The following SGCZ variants were observed in gnomAD, a reference collection of about 807,000 sequenced individuals.
SGCZ encodes sarcoglycan zeta.
Under a neutral mutation model 41.3 loss-of-function variants are expected in SGCZ, and 40 were observed. The ratio of observed to expected loss-of-function variants is 0.97; its 90% CI spans 0.75 to 1.26. The LOEUF is 1.26. SGCZ is among the 50% of genes most tolerant of loss of function. The pLI is 0.00. For missense variants in SGCZ, 552 were observed against 369.8 expected, an observed-to-expected ratio of 1.49 and a Z score of -4.04; for synonymous variants, 206 against 137.5, an observed-to-expected ratio of 1.50 and a Z score of -3.49.
At chr8:15,122,017 T>G (rs1807500525) in intron 1 of SGCZ, among the ~76,000 whole-genome samples, 1 of 151,908 alleles carries the variant, frequency 6.6e-6, no homozygotes, top group Admixed American at 6.6e-5. Flanking sequence ...ATACAAAAAT[T>G]TCAGAAATTC....
intron 2 of SGCZ, among the ~76,000 whole-genome samples, chr8:14,476,165 G>A (rs552814766): frequency 8.5e-4 from 130 of 152,206 alleles, no homozygotes; most frequent in African/African-American, 3.0e-3. Context: ...CACTATTTCT[G>A]GGAGTTTTTG....
At chr8:14,200,124 T>C (rs1428743825) in intron 4 of SGCZ, among the ~76,000 whole-genome samples, 1 of 152,202 alleles carries the variant, frequency 6.6e-6, no homozygotes, top group Non-Finnish European at 1.5e-5. Flanking sequence ...TAATGGGCAC[T>C]ACCATAATTA....
intron 4 of SGCZ, among the ~76,000 whole-genome samples, chr8:14,219,537 A>C (rs182719486): frequency 1.9e-3 from 282 of 152,318 alleles, no homozygotes; most frequent in Middle Eastern, 6.8e-3. Context: ...TCACAAGGTC[A>C]GGAGTTCGAG....
At chr8:14,920,672 A>G (rs749777102) in intron 1 of SGCZ, among the ~76,000 whole-genome samples, 4 of 152,176 alleles carry the variant, frequency 2.6e-5, no homozygotes, top group Non-Finnish European at 4.4e-5. Flanking sequence ...GAACAAATGG[A>G]GATACGAGAG....
At chr8:14,798,357 G>C (rs1435912156) in intron 1 of SGCZ, among the ~76,000 whole-genome samples, 2 of 152,016 alleles carry the variant, frequency 1.3e-5, no homozygotes, top group African/African-American at 4.8e-5. Context: ...ATCTTCTTGA[G>C]TTCTAAAACT....
chr8:14,961,320 G>C (rs1423290792), intron 1 of SGCZ, among the ~76,000 whole-genome samples: 2 of 151,986 alleles, frequency 1.3e-5, no homozygotes, highest in Admixed American at 1.3e-4. Context: ...TGAACTTCTT[G>C]GAAACATCTT....
intron 1 of SGCZ, among the ~76,000 whole-genome samples, chr8:14,645,204 C>T (rs1199655915): frequency 6.6e-6 from 1 of 151,522 alleles, no homozygotes; most frequent in Non-Finnish European, 1.5e-5. Flanking sequence ...TTTTAAATTA[C>T]TCTACAAAAT....
chr8:14,920,137 A>T (rs1323232491), intron 1 of SGCZ, among the ~76,000 whole-genome samples: 1 of 152,146 alleles, frequency 6.6e-6, no homozygotes. Context: ...TTACAAGTTG[A>T]ACAAATGAAA....
At chr8:14,182,884 C>A (rs969520240) in intron 4 of SGCZ, among the ~76,000 whole-genome samples, 32 of 151,752 alleles carry the variant, frequency 2.1e-4, no homozygotes, top group Admixed American at 7.2e-4. Flanking sequence ...GAGGCAGGCA[C>A]CTGTAATCCC....
chr8:14,508,066 C>G (rs929705766), intron 2 of SGCZ, among the ~76,000 whole-genome samples: 1 of 148,882 alleles, frequency 6.7e-6, no homozygotes, highest in African/African-American at 2.5e-5. Flanking sequence ...TCACTGCATG[C>G]AGCTCACATT....
intron 1 of SGCZ, among the ~76,000 whole-genome samples, chr8:14,827,614 T>A (rs1563297731): frequency 3.3e-5 from 5 of 152,270 alleles, no homozygotes; most frequent in African/African-American, 1.2e-4. Flanking sequence ...AGTCTGTGAT[T>A]GTTTTCATGC....
rs115914377 is a variant in SGCZ at position 14,980,971 on chromosome 8, T to A, written c.39+256614A>T. Among the ~76,000 whole-genome samples the A allele has an allele frequency of 5.6e-3, 857 of 152,350 alleles. 9 individuals are homozygous for A. Among genetic ancestry groups the A allele is most frequent in the African/African-American group, 0.02 (834 of 41,586 alleles). On this transcript the variant is annotated intron_variant, in intron 1 of 7. Coordinates refer to ENST00000382080, the MANE Select transcript of SGCZ (RefSeq NM_139167.4). Reference sequence around the variant, plus strand: ...CATGCCTCATTACTGGACATCCAGATGCACAATAGCATTCCCTTTGCTCAA... The same window carrying A: ...CATGCCTCATTACTGGACATCCAGAAGCACAATAGCATTCCCTTTGCTCAA...
intron 2 of SGCZ, among the ~76,000 whole-genome samples, chr8:14,480,034 G>C (rs920911861): frequency 2.6e-5 from 4 of 152,150 alleles, no homozygotes. Flanking sequence ...CGTGAGCCAC[G>C]CGACTGGCCA....
intron 1 of SGCZ, among the ~76,000 whole-genome samples, chr8:14,853,278 G>C (rs1397200591): frequency 2.0e-5 from 3 of 152,072 alleles, no homozygotes; most frequent in Non-Finnish European, 4.4e-5. Context: ...AAACAACTAG[G>C]TATTTTATGA....
chr8:14,420,516 T>A (rs1563317805), intron 2 of SGCZ, among the ~76,000 whole-genome samples: 1 of 152,108 alleles, frequency 6.6e-6, no homozygotes, highest in Non-Finnish European at 1.5e-5. Context: ...TGCTCTAACA[T>A]TTTCAAGATT....
intron 1 of SGCZ, among the ~76,000 whole-genome samples, chr8:14,851,226 A>G (rs1318495337): frequency 1.3e-5 from 2 of 151,888 alleles, no homozygotes; most frequent in Non-Finnish European, 2.9e-5. Context: ...AAAATTAGCC[A>G]GGCATCGTGG....
chr8:14,231,221 GAGAGAGAGAC>G (rs1402117114), intron 4 of SGCZ, among the ~76,000 whole-genome samples: 2 of 139,922 alleles, frequency 1.4e-5, no homozygotes, highest in South Asian at 2.9e-4. Flanking sequence ...GGGGGAAAGA[GAGAGAGAGAC>G]AGAGAGAGAG....
rs1436555562 is a variant in SGCZ at position 14,841,268 on chromosome 8, T to C, written c.40-286342A>G. On this transcript the variant is annotated intron_variant, in intron 1 of 7. Coordinates refer to ENST00000382080, the MANE Select transcript of SGCZ (RefSeq NM_139167.4). ...AGCAATCCACCTGGTCCTTCTCTTC[T>C]GCTGCATCTACAAGCACTGGCTCCA... Among the ~76,000 whole-genome samples, 8 of 152,262 alleles carry C rather than the reference T, an allele frequency of 5.3e-5. No individual in the cohort carries two copies. The South Asian group carries it at 1.7e-3, about 32-fold the overall frequency.
At chr8:14,564,868 C>T (rs1021530113) in intron 1 of SGCZ, among the ~76,000 whole-genome samples, 25 of 152,198 alleles carry the variant, frequency 1.6e-4, no homozygotes, top group Non-Finnish European at 2.9e-4. Context: ...AAACTTCTCC[C>T]TATCTATGAT....
Sources: allele counts gnomAD v4.1 joint callset (sites outside exome capture counted in the v4.1 genomes callset), GRCh38; gene constraint gnomAD v4.1.1; transcripts MANE v1.5; gene names NCBI Gene and HGNC (gene_info 2026-07-23, HGNC 2026-07-21).